Variants in PARP8 observed in about 807,000 individuals in gnomAD.
PARP8 encodes poly(ADP-ribose) polymerase family member 8.
A neutral mutation model predicts 124.1 loss-of-function variants in PARP8; 51 were observed. The observed-to-expected ratio is 0.41, with a 90% CI of 0.33 to 0.52. The LOEUF is 0.52. PARP8 is among the 20% of genes least tolerant of loss of function. PARP8 has a pLI of 0.21. For missense variants in PARP8, 860 were observed against 1,018.9 expected (o/e 0.84, Z 2.12); for synonymous variants, 391 against 361.5 (o/e 1.08, Z -0.93).
chr5:50,669,380 T>C (rs181955748), intron 2 of PARP8: 43 of 152,358 alleles, frequency 2.8e-4, no homozygotes, highest in Non-Finnish European at 4.4e-4. Flanking sequence ...ATGACTAATA[T>C]CCTCTTGGAT....
intron 2 of PARP8, chr5:50,669,006 A>C (rs1487033821): frequency 6.6e-6 from 1 of 152,246 alleles, no homozygotes; most frequent in Admixed American, 6.5e-5. Flanking sequence ...ATTTATAAAC[A>C]TATAAATTGC....
intron 2 of PARP8, among the ~76,000 whole-genome samples, chr5:50,687,598 C>T (rs147943888): frequency 1.7e-3 from 263 of 152,252 alleles, no homozygotes; most frequent in African/African-American, 6.0e-3. Flanking sequence ...CCAGACTGGG[C>T]AGTTTACAAA....
intron 14 of PARP8, among the ~76,000 whole-genome samples, chr5:50,801,225 G>C (rs187998569): frequency 2.0e-5 from 3 of 151,908 alleles, no homozygotes; most frequent in African/African-American, 7.2e-5. Context: ...CTCAGCCTCC[G>C]AGTAGCTGGG....
At chr5:50,788,398 T>C in intron 9 of PARP8, 125 bp from the exon 10 acceptor site, 1 of 742,618 alleles carries the variant, frequency 1.3e-6, no homozygotes. Flanking sequence ...TAGGACTGCA[T>C]GTACACTGTT....
chr5:50,683,790 T>C (rs1308383072), intron 2 of PARP8, among the ~76,000 whole-genome samples: 1 of 152,318 alleles, frequency 6.6e-6, no homozygotes, highest in East Asian at 1.9e-4. Context: ...ACACATTACC[T>C]TCTCCGTTAA....
rs1465305269 is a variant in PARP8 at position 50,679,291 on chromosome 5, G to A, written c.146+11166G>A. ...CGATTCTCCAGACTCCATACTTTTC[G>A]TTATTATCAGATGCCAGCGTTAATG... is the stretch of plus-strand genomic sequence containing the variant. On this transcript the variant is annotated intron_variant, in intron 2 of 25. Transcript: ENST00000281631. Among the ~76,000 whole-genome samples the A allele has an allele frequency of 2.6e-5, 4 of 152,148 alleles. No individual in the cohort carries two copies. In the East Asian group the frequency reaches 7.7e-4, roughly 29 times the overall value.
At chr5:50,763,702 C>G (rs556815056) in intron 7 of PARP8, among the ~76,000 whole-genome samples, 2 of 150,046 alleles carry the variant, frequency 1.3e-5, no homozygotes, top group Admixed American at 1.3e-4. Context: ...CTGTAGTTAC[C>G]TAATATATTA....
intron 2 of PARP8, among the ~76,000 whole-genome samples, chr5:50,693,165 A>G (rs1468208756): frequency 2.6e-5 from 4 of 152,204 alleles, no homozygotes; most frequent in African/African-American, 7.2e-5. Context: ...TTAATTATTT[A>G]TAACAACTGG....
intron 12 of PARP8, among the ~76,000 whole-genome samples, chr5:50,796,228 C>T (rs1561393923): frequency 6.6e-6 from 1 of 151,736 alleles, no homozygotes; most frequent in African/African-American, 2.4e-5. Flanking sequence ...TAGCTCTAAC[C>T]ATTAATGTGT....
At chr5:50,695,678 A>G (rs1280260582) in intron 2 of PARP8, among the ~76,000 whole-genome samples, 1 of 104,104 alleles carries the variant, frequency 9.6e-6, no homozygotes, top group Non-Finnish European at 2.5e-5. Flanking sequence ...GACTATTTCT[A>G]AATTTTTTTC....
chr5:50,827,325 T>C (rs767883951), intron 19 of PARP8, among the ~76,000 whole-genome samples: 2 of 152,128 alleles, frequency 1.3e-5, no homozygotes, highest in Non-Finnish European at 2.9e-5. Context: ...AAATGTGAGA[T>C]TCCTATGCAT....
intron 14 of PARP8, among the ~76,000 whole-genome samples, chr5:50,797,559 G>A (rs1161042399): frequency 5.3e-5 from 8 of 152,138 alleles, no homozygotes; most frequent in Non-Finnish European, 8.8e-5. Context: ...TATGTGACAA[G>A]GATGCTTAGG....
intron 2 of PARP8, among the ~76,000 whole-genome samples, chr5:50,691,821 T>G (rs1752523646): frequency 6.6e-6 from 1 of 152,196 alleles, no homozygotes; most frequent in Non-Finnish European, 1.5e-5. Flanking sequence ...AGTGCCTGAC[T>G]CCATTAGTTA....
At chr5:50,714,453 C>T (rs1436439901) in intron 2 of PARP8, among the ~76,000 whole-genome samples, 1 of 151,956 alleles carries the variant, frequency 6.6e-6, no homozygotes, top group Non-Finnish European at 1.5e-5. Flanking sequence ...ATGTGCTGAA[C>T]ATGCAGGTTT....
rs536209761 is a variant in PARP8, at chr5:50,712,917, T to A, written c.147-37234T>A. Among the ~76,000 whole-genome samples the A allele has an allele frequency of 1.3e-3, 205 of 152,016 alleles. 1 individual carries two copies. Among genetic ancestry groups the A allele is most frequent in the African/African-American group, 4.9e-3 (203 of 41,510 alleles). On this transcript the variant is annotated intron_variant, in intron 2 of 25. Coordinates refer to ENST00000281631, the MANE Select transcript of PARP8 (RefSeq NM_024615.4). Reference sequence around the variant, plus strand: ...TTAGGAGATTTTTTTTTTATTTATGTTAGTGGCATGAGGTAAAGTATTATA... The same window carrying A: ...TTAGGAGATTTTTTTTTTATTTATGATAGTGGCATGAGGTAAAGTATTATA...
In PARP8 at chr5:50,795,277, A is replaced by T; in HGVS notation, c.1288A>T (p.Ser430Cys). 6.2e-7 allele frequency: 1 copy of T among 1,614,194 alleles called. No individual in the cohort carries two copies. The change falls in exon 12 of 26, where the codon AGC becomes TGC. Residue 430 changes from serine to cysteine, a missense_variant. Ser to Cys is a moderately radical substitution (Grantham distance 112). Coordinates refer to ENST00000281631, the MANE Select transcript of PARP8 (RefSeq NM_024615.4). ...TGGACTGAAAAATCACAAATTGCTCAGCAAGTCCTACTCCAGTGCCCCCAA... is the reference window on the plus strand; with the variant it reads ...TGGACTGAAAAATCACAAATTGCTCTGCAAGTCCTACTCCAGTGCCCCCAA... Reference protein sequence around the residue: ...LYGLKNHKLLSKSYSSAPKSS... With the variant: ...LYGLKNHKLLCKSYSSAPKSS...
At chr5:50,817,594 C>T (rs564340388) in intron 15 of PARP8, among the ~76,000 whole-genome samples, 17 of 152,206 alleles carry the variant, frequency 1.1e-4, no homozygotes, top group East Asian at 3.9e-4. Flanking sequence ...TATTCCAGCA[C>T]CCCAAATACT....
chr5:50,815,535 A>C lies in PARP8; in HGVS notation c.1668+11A>C. 1 of 1,556,128 alleles carries C rather than the reference A, an allele frequency of 6.4e-7. No individual in the cohort carries two copies. Among genetic ancestry groups the C allele is most frequent in the East Asian group, 2.4e-5 (1 of 41,664 alleles). ...GCAACTGGAGCTCAGGTAGTAACAC[A>C]GGATACTAATTATTTCTTATTTTGC... On this transcript the variant is annotated intron_variant, in intron 15 of 25. Transcript: ENST00000281631.
At chr5:50,761,937 T>C (rs1760586481) in intron 6 of PARP8, 39 bp downstream of exon 6, 2 of 1,319,368 alleles carry the variant, frequency 1.5e-6, no homozygotes, top group South Asian at 1.2e-5. Flanking sequence ...AGTCTTAAAG[T>C]TCTAATAGCC....
Sources: gnomAD v4.1 joint callset for allele counts (sites outside exome capture counted in the v4.1 genomes callset) on GRCh38, gnomAD v4.1.1 for gene constraint, MANE v1.5 for transcripts, NCBI Gene and HGNC (gene_info 2026-07-23, HGNC 2026-07-21) for gene names.